SWT1: variants seen among roughly 807,000 people sequenced by gnomAD.
The protein encoded by SWT1 is SWT1 RNA endoribonuclease homolog.
SWT1 carries 33 observed loss-of-function variants against 107.3 expected under a neutral mutation model. That is an observed-to-expected ratio of 0.31 (90% CI 0.23 to 0.41). The LOEUF (loss-of-function observed/expected upper bound fraction) is 0.41, where lower values mean the gene tolerates loss of function less well. Among genes scored for constraint, SWT1 ranks in the 10% least tolerant of loss-of-function variants. SWT1 has a pLI of 1.00. For missense variants in SWT1, 898 were observed against 1,028.9 expected (o/e 0.87, Z 1.74); for synonymous variants, 345 against 348.3 (o/e 0.99, Z 0.11).
intron 16 of SWT1, among the ~76,000 whole-genome samples, chr1:185,247,352 C>A (rs1661688398): frequency 6.6e-6 from 1 of 152,028 alleles, no homozygotes; most frequent in African/African-American, 2.4e-5. Context: ...GGGGAAGATA[C>A]AATGTTAGGA....
At chr1:185,194,281 A>G (rs1657204577) in intron 10 of SWT1, among the ~76,000 whole-genome samples, 1 of 152,064 alleles carries the variant, frequency 6.6e-6, no homozygotes. Flanking sequence ...ATACACATTT[A>G]ATTTGTTGGA....
chr1:185,190,676 A>T (rs545639436), intron 10 of SWT1, 34 bp downstream of exon 10: 7 of 1,291,122 alleles, frequency 5.4e-6, no homozygotes, highest in Admixed American at 1.9e-5. Context: ...TTTTATTTTT[A>T]AAAAATAAAC....
chr1:185,211,964 C>G (rs912870857), intron 13 of SWT1, among the ~76,000 whole-genome samples: 1 of 151,962 alleles, frequency 6.6e-6, no homozygotes, highest in Non-Finnish European at 1.5e-5. Context: ...GGACAAAAAA[C>G]CAAACACTAC....
At chr1:185,167,323 A>G (rs1321697931) in intron 3 of SWT1, among the ~76,000 whole-genome samples, 3 of 152,200 alleles carry the variant, frequency 2.0e-5, no homozygotes, top group Non-Finnish European at 4.4e-5. Flanking sequence ...TTCCACTGTC[A>G]TACAAATAGT....
At chr1:185,229,185 A>G (rs956403056) in intron 15 of SWT1, among the ~76,000 whole-genome samples, 2 of 152,190 alleles carry the variant, frequency 1.3e-5, no homozygotes, top group African/African-American at 4.8e-5. Context: ...TTAGGTGTGT[A>G]CTGTGATAAT....
At chr1:185,227,569 T>A in intron 15 of SWT1, 1 of 513,034 alleles carries the variant, frequency 1.9e-6, no homozygotes, top group Non-Finnish European at 3.6e-6. Flanking sequence ...GAGTGTGTTG[T>A]ATTTATTTTT....
rs1484964802 is a variant in SWT1, at chr1:185,258,034, T to A, written c.2442-13289T>A. ...ATCAGCCTGTCTTTCCTCTTTATCA[T>A]ACTTTTTCTTTGTTCTTTTTGCCTT... On this transcript the variant is annotated intron_variant, in intron 16 of 18. Coordinates refer to ENST00000367500, the MANE Select transcript of SWT1 (RefSeq NM_017673.7). 2.0e-5 allele frequency: 3 copies of A among 152,216 alleles called. No individual in the cohort carries two copies. In the East Asian group the frequency reaches 5.8e-4, roughly 29 times the overall value. The allele number at this position is 152,216 out of a possible 1,614,324, so 9.4% of individuals were successfully genotyped here.
Position 185,213,138 on chromosome 1 carries a change from CT to C in SWT1, c.1973-1365del, listed in dbSNP as rs148602054. 5.6e-3 allele frequency among the ~76,000 whole-genome samples: 856 copies of C among 152,208 alleles called. 13 individuals are homozygous for C. Among genetic ancestry groups the C allele is most frequent in the East Asian group, 0.052 (271 of 5,180 alleles). On this transcript the variant is annotated intron_variant, in intron 13 of 18. Coordinates refer to ENST00000367500, the MANE Select transcript of SWT1 (RefSeq NM_017673.7). ...ACCCTTTTCCTCATAATCTTAGGAA[CT>C]TTTGTAAGACAGAAATAAAATGATT...
At chr1:185,222,633 C>T (rs947133806) in intron 15 of SWT1, among the ~76,000 whole-genome samples, 14 of 151,590 alleles carry the variant, frequency 9.2e-5, no homozygotes, top group Admixed American at 9.2e-4. Flanking sequence ...GGCGTGATGG[C>T]GTGTACCTGT....
At chr1:185,202,863 CATT>C (rs1657998569) in intron 11 of SWT1, 64 bp downstream of exon 11, 4 of 899,404 alleles carry the variant, frequency 4.4e-6, no homozygotes, top group Non-Finnish European at 6.2e-6. Flanking sequence ...TTATTTATAA[CATT>C]AGAATCGATA....
In SWT1 at chr1:185,174,756, A is replaced by C. The variant is rs375618718; in HGVS notation, c.609A>C (p.Leu203Phe). 8.1e-6 allele frequency: 13 copies of C among 1,611,274 alleles called. No individual in the cohort carries two copies. In the African/African-American group the frequency reaches 1.6e-4, roughly 20 times the overall value. The part of the protein sequence containing the change: ...KFRDNSEKCV[L>F]EKWKRNQFSQ... Reference sequence around the variant, plus strand: ...GAGACAATTCTGAAAAATGTGTCTTAGAGAAATGGAAGAGAAATCAATTTT... The same window carrying C: ...GAGACAATTCTGAAAAATGTGTCTTCGAGAAATGGAAGAGAAATCAATTTT... Residue 203 changes from leucine to phenylalanine, a missense_variant, in exon 5 of 19, where the codon TTA becomes TTC. Leu to Phe is a conservative substitution (Grantham distance 22, BLOSUM62 0). Transcript: ENST00000367500.
intron 16 of SWT1, among the ~76,000 whole-genome samples, chr1:185,267,735 A>G (rs905025446): frequency 6.6e-6 from 1 of 152,188 alleles, no homozygotes; most frequent in Non-Finnish European, 1.5e-5. Context: ...AAAAATGGCC[A>G]TTGTCTAAAA....
At position 185,184,350 on chromosome 1, in the gene SWT1, T is replaced by G; in HGVS notation, c.1240+6T>G. On this transcript the variant is annotated splice_donor_region_variant and intron_variant, in intron 8 of 18. Coordinates refer to ENST00000367500, the MANE Select transcript of SWT1 (RefSeq NM_017673.7). The stretch of plus-strand genomic sequence containing the variant: ...GAAGACAACAGAAGTACCAGGTATT[T>G]ACAGAACATATTTAAAGATTCTGAT... 7.1e-7 allele frequency: 1 copy of G among 1,413,860 alleles called. No homozygotes were observed. The highest frequency in any genetic ancestry group is 9.8e-7 in the Non-Finnish European group (1 of 1,017,248). 87.6% of individuals were successfully genotyped at this position (1,413,860 alleles called of 1,614,324 possible).
At chr1:185,201,520 T>A (rs1657881601) in intron 10 of SWT1, among the ~76,000 whole-genome samples, 1 of 152,144 alleles carries the variant, frequency 6.6e-6, no homozygotes, top group African/African-American at 2.4e-5. Context: ...CCCTGACCTC[T>A]TGCACTTCCT....
At chr1:185,258,594 C>G (rs1662790828) in intron 16 of SWT1, among the ~76,000 whole-genome samples, 1 of 152,004 alleles carries the variant, frequency 6.6e-6, no homozygotes, top group Non-Finnish European at 1.5e-5. Flanking sequence ...GCTATGGATT[C>G]TAGATTGACT....
intron 16 of SWT1, among the ~76,000 whole-genome samples, chr1:185,237,723 AGTG>A (rs1417745495): frequency 6.6e-6 from 1 of 152,110 alleles, no homozygotes. Flanking sequence ...CTAAAGTAAC[AGTG>A]GTTGGGCCCT....
In SWT1 at chr1:185,275,289, G is replaced by C. The variant is rs536907241; in HGVS notation, c.2509-1315G>C. On this transcript the variant is annotated intron_variant, in intron 17 of 18. Coordinates refer to ENST00000367500, the MANE Select transcript of SWT1 (RefSeq NM_017673.7). ...TGTGGCTATAGTAACAATATCAACAGCCCTTAGGAGAAGGCAGAACATGTA... is the reference window on the plus strand; with the variant it reads ...TGTGGCTATAGTAACAATATCAACACCCCTTAGGAGAAGGCAGAACATGTA... Among the ~76,000 whole-genome samples, 58 of 151,880 alleles carry C rather than the reference G, an allele frequency of 3.8e-4. 2 individuals are homozygous for C. In the South Asian group the frequency reaches 0.012, roughly 31 times the overall value.
chr1:185,275,434 T>C (rs560929792), intron 17 of SWT1, among the ~76,000 whole-genome samples: 31 of 148,738 alleles, frequency 2.1e-4, no homozygotes, highest in African/African-American at 7.3e-4. Context: ...AAATATAATA[T>C]CAAATATTAT....
intron 2 of SWT1, among the ~76,000 whole-genome samples, chr1:185,164,113 C>T (rs1654381775): frequency 6.6e-6 from 1 of 152,076 alleles, no homozygotes; most frequent in South Asian, 2.1e-4. Context: ...TGTACATCTC[C>T]ATCAGAGCTC....
Sources: gnomAD v4.1 joint callset for allele counts (sites outside exome capture counted in the v4.1 genomes callset) on GRCh38, gnomAD v4.1.1 for gene constraint, MANE v1.5 for transcripts, NCBI Gene and HGNC (gene_info 2026-07-23, HGNC 2026-07-21) for gene names.